COQ10B: variants seen among roughly 807,000 people sequenced by gnomAD.
COQ10B encodes the protein coenzyme Q10B, also known as coenzyme Q-binding protein COQ10 homolog B, mitochondrial.
A neutral mutation model predicts 27.6 loss-of-function variants in COQ10B; 12 were observed. The observed-to-expected ratio is 0.43, with a 90% CI of 0.28 to 0.70. COQ10B has a LOEUF of 0.70. COQ10B is among the 30% of genes least tolerant of loss of function. The pLI, the probability that COQ10B is intolerant of heterozygous loss-of-function variation, is 0.17. For missense variants in COQ10B, 278 were observed against 288.7 expected, an observed-to-expected ratio of 0.96 and a Z score of 0.27; for synonymous variants, 115 against 103.0, an observed-to-expected ratio of 1.12 and a Z score of -0.71.
chr2:197,463,994 T>TACAC (rs1272219094), intron 3 of COQ10B, among the ~76,000 whole-genome samples: 269 of 50,844 alleles, frequency 5.3e-3, no homozygotes, highest in East Asian at 0.013. Flanking sequence ...TATATATATA[T>TACAC]ATACACACAC....
At chr2:197,460,150 C>G (rs542883919) in intron 2 of COQ10B, 69 bp downstream of exon 2, 2 of 1,061,148 alleles carry the variant, frequency 1.9e-6, no homozygotes, top group Admixed American at 2.7e-5. Context: ...CGTGTTGTGC[C>G]TCTTTCTCTC....
chr2:197,467,333 A>C (rs1348679060), intron 3 of COQ10B, among the ~76,000 whole-genome samples: 1 of 150,390 alleles, frequency 6.6e-6, no homozygotes, highest in Non-Finnish European at 1.5e-5. Context: ...GATTTGATTG[A>C]TTGATTGATT....
chr2:197,469,299 G>A (rs1253947277), intron 3 of COQ10B, among the ~76,000 whole-genome samples: 2 of 152,212 alleles, frequency 1.3e-5, no homozygotes, highest in African/African-American at 4.8e-5. Context: ...CGAACTCCTG[G>A]GCTCAAGTGA....
intron 4 of COQ10B, among the ~76,000 whole-genome samples, chr2:197,473,413 AAAATATATAT>A (rs2085901075): frequency 3.4e-5 from 2 of 58,640 alleles, no homozygotes; most frequent in Admixed American, 1.8e-4. Context: ...AAAAAAAAAA[AAAATATATAT>A]ATATATATAT....
intron 1 of COQ10B, chr2:197,454,278 G>A (rs759137259): frequency 1.5e-6 from 1 of 680,618 alleles, no homozygotes; most frequent in Non-Finnish European, 2.4e-6. Context: ...TGGGGGTGGA[G>A]ATGGAGGTCG....
intron 4 of COQ10B, among the ~76,000 whole-genome samples, chr2:197,471,566 G>C (rs192446874): frequency 6.6e-6 from 1 of 152,292 alleles, no homozygotes; most frequent in East Asian, 1.9e-4. Flanking sequence ...TGAATTTTAA[G>C]AAATGGTGGC....
rs561275945 is a variant in COQ10B, at chr2:197,460,382, AG to A, written c.254+304del. Among the ~76,000 whole-genome samples the A allele has an allele frequency of 3.5e-4, 53 of 152,082 alleles. No individual in the cohort carries two copies. The East Asian group carries it at 9.1e-3, about 26-fold the overall frequency. On this transcript the variant is annotated intron_variant, in intron 2 of 4. Coordinates refer to ENST00000263960, the MANE Select transcript of COQ10B (RefSeq NM_025147.5). Reference sequence around the variant, plus strand: ...TAATTTTTGTATTTTTAGTAGAAACAGGGTTTCACTGTGTTGGCCAGGCTGG... The same window carrying A: ...TAATTTTTGTATTTTTAGTAGAAACAGGTTTCACTGTGTTGGCCAGGCTGG...
At chr2:197,470,579 G>A (rs1196924424) in intron 4 of COQ10B, among the ~76,000 whole-genome samples, 2 of 152,026 alleles carry the variant, frequency 1.3e-5, no homozygotes, top group Admixed American at 6.6e-5. Context: ...GGGGAACATA[G>A]CAAGACTTTG....
At chr2:197,460,677 A>G (rs1052528075) in intron 2 of COQ10B, among the ~76,000 whole-genome samples, 4 of 152,222 alleles carry the variant, frequency 2.6e-5, no homozygotes, top group Admixed American at 1.3e-4. Flanking sequence ...TTCCTCATGT[A>G]TAGATATACA....
chr2:197,454,850 A>G (rs1344277685), intron 1 of COQ10B, among the ~76,000 whole-genome samples: 1 of 152,168 alleles, frequency 6.6e-6, no homozygotes, highest in Non-Finnish European at 1.5e-5. Flanking sequence ...ACTTAAGTAT[A>G]TGAGAGAGTG....
At chr2:197,456,375 G>A (rs2085698449) in intron 1 of COQ10B, among the ~76,000 whole-genome samples, 1 of 151,756 alleles carries the variant, frequency 6.6e-6, no homozygotes, top group South Asian at 2.1e-4. Flanking sequence ...TGAGGCAGGA[G>A]AATCGCTTGA....
intron 1 of COQ10B, among the ~76,000 whole-genome samples, chr2:197,455,609 G>A: frequency 6.6e-6 from 1 of 152,052 alleles, no homozygotes; most frequent in East Asian, 1.9e-4. Context: ...AGGCTGCAGT[G>A]AGCCTTGTTT....
At position 197,474,989 on chromosome 2, in the gene COQ10B, C is replaced by G. The variant is rs1173671963; in HGVS notation, c.*1065C>G. 1 of 152,210 alleles carries G rather than the reference C, an allele frequency of 6.6e-6. No homozygotes were observed. The highest frequency in any genetic ancestry group is 1.5e-5 in the Non-Finnish European group (1 of 68,012). 9.4% of individuals were successfully genotyped at this position (152,210 alleles called of 1,614,324 possible). ...ATAAGTTGGTTGAATGTCTCCAGCA[C>G]TATGCATCCCTATTTTCTATTTATT... is the stretch of plus-strand genomic sequence containing the variant. On this transcript the variant is annotated 3_prime_UTR_variant, in exon 5 of 5. Coordinates refer to ENST00000263960, the MANE Select transcript of COQ10B (RefSeq NM_025147.5).
At position 197,460,016 on chromosome 2, in the gene COQ10B, T is replaced by G; in HGVS notation, c.189T>G (p.Thr63=). The change falls in exon 2 of 5, where the codon ACT becomes ACG. Residue 63 remains threonine, a synonymous_variant. Transcript: ENST00000263960. ...SILPKEICAR[T]FFKITAPLIN... ...TGCCTAAGGAGATATGTGCACGAAC[T>G]TTCTTCAAAATCACTGCACCATTAA... 1 of 1,612,046 alleles carries G rather than the reference T, an allele frequency of 6.2e-7. No individual in the cohort carries two copies. Among genetic ancestry groups the G allele is most frequent in the Non-Finnish European group, 8.5e-7 (1 of 1,178,438 alleles).
At chr2:197,458,425 C>A (rs1382944781) in intron 1 of COQ10B, among the ~76,000 whole-genome samples, 1 of 152,050 alleles carries the variant, frequency 6.6e-6, no homozygotes, top group Non-Finnish European at 1.5e-5. Flanking sequence ...AAAGGAGGTC[C>A]TAATTACACC....
chr2:197,473,801 ACT>A lies in COQ10B; in HGVS notation c.597_598del (p.Phe201Ter). ...RSLLHSQLAT[L>X]FFDEVVKQMV... ...CACTTCTACATTCCCAGCTTGCCAC[ACT>A]CTTTTTTGATGAAGTTGTGAAGCAG... is the stretch of plus-strand genomic sequence containing the variant. On this transcript the variant is annotated frameshift_variant, in exon 5 of 5. Coordinates refer to ENST00000263960, the MANE Select transcript of COQ10B (RefSeq NM_025147.5). LOFTEE classifies it high-confidence loss of function. 1 of 1,593,268 alleles carries A rather than the reference ACT, an allele frequency of 6.3e-7. No individual in the cohort carries two copies. Among genetic ancestry groups the A allele is most frequent in the Non-Finnish European group, 8.6e-7 (1 of 1,167,760 alleles).
intron 1 of COQ10B, chr2:197,453,892 A>C: frequency 6.9e-7 from 1 of 1,451,892 alleles, no homozygotes; most frequent in South Asian, 1.3e-5. Context: ...AGAGGCGGTG[A>C]ATCATCGGCG....
Position 197,453,702 on chromosome 2 carries a change from T to C in COQ10B, c.104+38T>C, listed in dbSNP as rs182911290. 3.3e-5 allele frequency: 52 copies of C among 1,552,306 alleles called. 1 individual carries two copies. The South Asian group carries it at 3.7e-4, about 11-fold the overall frequency. ...GGGGGCGCTGAGACGAGAGTAGTTT[T>C]CGATTTTGGCTGCCGAGTTGGGGGA... is the stretch of plus-strand genomic sequence containing the variant. On this transcript the variant is annotated intron_variant, in intron 1 of 4. Transcript: ENST00000263960.
intron 1 of COQ10B, chr2:197,454,305 C>T (rs1280671187): frequency 3.6e-6 from 2 of 559,816 alleles, no homozygotes; most frequent in Non-Finnish European, 6.2e-6. Context: ...GGATACCATA[C>T]TTGTACGACT....
Sources: allele counts gnomAD v4.1 joint callset (sites outside exome capture counted in the v4.1 genomes callset), GRCh38; gene constraint gnomAD v4.1.1; transcripts MANE v1.5; gene names NCBI Gene and HGNC (gene_info 2026-07-23, HGNC 2026-07-21).